RIC1: variants seen among roughly 807,000 people sequenced by gnomAD.
The protein encoded by RIC1 is RIC1 partner of RAB6A GEF complex.
A neutral mutation model predicts 169.0 loss-of-function variants in RIC1; 88 were observed. That is an observed-to-expected ratio of 0.52 (90% CI 0.44 to 0.62). The LOEUF (loss-of-function observed/expected upper bound fraction) is 0.62, where lower values mean the gene tolerates loss of function less well. Among genes scored for constraint, RIC1 ranks in the 20% least tolerant of loss-of-function variants. The pLI is 0.00. For missense variants in RIC1, 1,877 were observed against 1,725.5 expected, an observed-to-expected ratio of 1.09 and a Z score of -1.56; for synonymous variants, 790 against 601.5, an observed-to-expected ratio of 1.31 and a Z score of -4.59.
intron 12 of RIC1, 125 bp from the exon 13 acceptor site, chr9:5,753,074 CT>C: frequency 1.3e-6 from 1 of 744,642 alleles, no homozygotes; most frequent in South Asian, 1.6e-5. Flanking sequence ...TCCAAGTGCT[CT>C]GCTACTAACT....
At chr9:5,762,349 G>A (rs1240074188) in intron 17 of RIC1, among the ~76,000 whole-genome samples, 192 bp from the exon 18 acceptor site, 1 of 152,108 alleles carries the variant, frequency 6.6e-6, no homozygotes, top group East Asian at 1.9e-4. Flanking sequence ...ATTGCATTAT[G>A]TGTTAGGCTT....
Position 5,775,579 on chromosome 9 carries a change from C to G in RIC1, c.*1333C>G, listed in dbSNP as rs543849027. The G allele has an allele frequency of 6.6e-6, 1 of 152,274 alleles. No individual in the cohort carries two copies. Among genetic ancestry groups the G allele is most frequent in the East Asian group, 1.9e-4 (1 of 5,188 alleles). 9.4% of individuals were successfully genotyped at this position (152,274 alleles called of 1,614,324 possible). On this transcript the variant is annotated 3_prime_UTR_variant, in exon 26 of 26. Coordinates refer to ENST00000414202, the MANE Select transcript of RIC1 (RefSeq NM_020829.4). ...TTCGTACCACTATCTAAAATAGCCT[C>G]TTTTCTCATAGTGCAGTTGTAGTTT...
chr9:5,729,858 T>A (rs1587048321), intron 6 of RIC1, among the ~76,000 whole-genome samples: 2 of 152,244 alleles, frequency 1.3e-5, no homozygotes, highest in East Asian at 3.9e-4. Context: ...TCTTTTTTTT[T>A]TCCTATAAGG....
At chr9:5,697,932 G>A (rs1295906056) in intron 3 of RIC1, among the ~76,000 whole-genome samples, 2 of 152,102 alleles carry the variant, frequency 1.3e-5, no homozygotes, top group Admixed American at 1.3e-4. Context: ...AGCATTTCAG[G>A]GTAAAGTGAT....
At chr9:5,722,364 T>A (rs1263563617) in intron 6 of RIC1, among the ~76,000 whole-genome samples, 9 of 150,980 alleles carry the variant, frequency 6.0e-5, no homozygotes, top group African/African-American at 2.2e-4. Flanking sequence ...TGTGTGTGTG[T>A]GTGTGTGTGT....
chr9:5,689,901 C>G, intron 2 of RIC1, 58 bp from the exon 3 acceptor site: 1 of 1,121,444 alleles, frequency 8.9e-7, no homozygotes, highest in East Asian at 2.6e-5. Flanking sequence ...AATTAAAATT[C>G]AGGGTTACAG....
intron 2 of RIC1, among the ~76,000 whole-genome samples, chr9:5,658,166 G>A (rs765106558): frequency 1.3e-5 from 2 of 152,046 alleles, no homozygotes; most frequent in Non-Finnish European, 2.9e-5. Flanking sequence ...AACCAAAGAA[G>A]ACAAAAAGAC....
chr9:5,770,081 C>G lies in RIC1; in HGVS notation c.3425-6C>G. 1.2e-6 allele frequency: 2 copies of G among 1,606,810 alleles called. No homozygotes were observed. Among genetic ancestry groups the G allele is most frequent in the Middle Eastern group, 3.3e-4 (2 of 6,018 alleles). On this transcript the variant is annotated splice_polypyrimidine_tract_variant and splice_region_variant and intron_variant, in intron 22 of 25. Transcript: ENST00000414202. ...TCCATTTTTTGTTTTCGGACCCACT[C>G]TGCAGTGGGAGAGCAGCTGTTAAAG...
intron 12 of RIC1, among the ~76,000 whole-genome samples, chr9:5,750,964 C>T (rs1825688484): frequency 6.6e-6 from 1 of 151,968 alleles, no homozygotes; most frequent in Admixed American, 6.5e-5. Flanking sequence ...TTTTAAAATA[C>T]ATCATTTGTG....
chr9:5,728,160 G>T, intron 6 of RIC1, among the ~76,000 whole-genome samples: 1 of 152,258 alleles, frequency 6.6e-6, no homozygotes, highest in East Asian at 1.9e-4. Context: ...TACAGAGGCA[G>T]GCAGGCCTCC....
intron 1 of RIC1, among the ~76,000 whole-genome samples, chr9:5,645,431 G>A (rs371937324): frequency 3.9e-5 from 6 of 152,154 alleles, no homozygotes; most frequent in African/African-American, 7.2e-5. Flanking sequence ...TATATACTTC[G>A]CAAAGTTCTG....
chr9:5,706,681 G>A (rs766519237), intron 3 of RIC1, among the ~76,000 whole-genome samples: 11 of 152,062 alleles, frequency 7.2e-5, no homozygotes, highest in Non-Finnish European at 1.3e-4. Flanking sequence ...TGGGAAATTT[G>A]TGTGTTTCTA....
At position 5,647,936 on chromosome 9, in the gene RIC1, GGGTGGT is replaced by G. The variant is rs77165192; in HGVS notation, c.145-8615_145-8610del. Among the ~76,000 whole-genome samples, 117 of 121,288 alleles carry G rather than the reference GGGTGGT, an allele frequency of 9.6e-4. 1 individual carries two copies. Among genetic ancestry groups the G allele is most frequent in the African/African-American group, 3.0e-3 (101 of 33,878 alleles). 79.6% of individuals were successfully genotyped at this position (121,288 alleles called of 152,430 possible). ...GTTTTTTGTTTGTGTGTGTGGGGGT[GGGTGGT>G]GGTGGTGGTGGTGGTGGTGGTGGTG... On this transcript the variant is annotated intron_variant, in intron 1 of 25. Transcript: ENST00000414202.
At chr9:5,643,629 C>G (rs192711132) in intron 1 of RIC1, among the ~76,000 whole-genome samples, 2 of 152,102 alleles carry the variant, frequency 1.3e-5, no homozygotes, top group African/African-American at 2.4e-5. Context: ...CATTTAGATA[C>G]TCTCCTTACG....
At chr9:5,724,952 G>A (rs1436336225) in intron 6 of RIC1, among the ~76,000 whole-genome samples, 10 of 152,078 alleles carry the variant, frequency 6.6e-5, no homozygotes, top group African/African-American at 1.9e-4. Flanking sequence ...TGCTGGATTC[G>A]GTTTGCCAGT....
Position 5,656,613 on chromosome 9 carries a change from C to G in RIC1, c.175C>G (p.Pro59Ala), listed in dbSNP as rs1005856589. 9 of 1,605,180 alleles carry G rather than the reference C, an allele frequency of 5.6e-6. No homozygotes were observed. The African/African-American group carries it at 1.1e-4, about 19-fold the overall frequency. Residue 59 changes from proline (P) to alanine (A), a missense_variant, in exon 2 of 26, where the codon CCT (proline) becomes GCT (alanine). Pro to Ala is a conservative substitution (Grantham distance 27). Transcript: ENST00000414202. ...PSVLIVTYKE[P>A]AKSSTQFGSY... ...TGTGTTAATTGTAACCTACAAGGAGCCTGCAAAATCATCTACTCAGTTTGG... is the reference window on the plus strand; with the variant it reads ...TGTGTTAATTGTAACCTACAAGGAGGCTGCAAAATCATCTACTCAGTTTGG...
chr9:5,765,270 T>C (rs1018422706), intron 19 of RIC1, 144 bp from the exon 20 acceptor site: 2 of 799,612 alleles, frequency 2.5e-6, no homozygotes, highest in Non-Finnish European at 4.0e-6. Flanking sequence ...TTTCCTTGTA[T>C]GGTACTTTTT....
At chr9:5,776,993 T>C (rs1270640239), downstream of RIC1, among the ~76,000 whole-genome samples, 1 of 152,146 alleles carries the variant, frequency 6.6e-6, no homozygotes, top group Non-Finnish European at 1.5e-5. Context: ...ACATATAGTA[T>C]GTGAACTTTT....
In RIC1 at chr9:5,774,194, C is replaced by A. The variant is rs1554616293; in HGVS notation, c.4220C>A (p.Ala1407Glu). Residue 1407 changes from alanine (A) to glutamate (E), a missense_variant, in exon 26 of 26, where the codon GCA becomes GAA. This residue lies in a region of RIC1 where 681 missense variants were observed against 582.0 expected (regional missense o/e 1.17). Transcript: ENST00000414202. Reference sequence around the variant, plus strand: ...CGGAAAGAGGAGGACACAGCCCAAGCAGAGGAGGAAGAACCTTTTCAGGAT... The same window carrying A: ...CGGAAAGAGGAGGACACAGCCCAAGAAGAGGAGGAAGAACCTTTTCAGGAT... ...VSRKEEDTAQ[A>E]EEEEPFQDGT... 2 of 1,613,860 alleles carry A rather than the reference C, an allele frequency of 1.2e-6. No homozygotes were observed. Among genetic ancestry groups the A allele is most frequent in the South Asian group, 2.2e-5 (2 of 91,046 alleles).
Sources: allele counts gnomAD v4.1 joint callset (sites outside exome capture counted in the v4.1 genomes callset), GRCh38; gene constraint gnomAD v4.1.1; regional missense constraint gnomAD v4.1.1; transcripts MANE v1.5; gene names NCBI Gene and HGNC (gene_info 2026-07-23, HGNC 2026-07-21).